The following PPCS variants were observed in gnomAD, a reference collection of about 807,000 sequenced individuals.
PPCS encodes phosphopantothenate--cysteine ligase.
Under a neutral mutation model 24.6 loss-of-function variants are expected in PPCS, and 17 were observed. The observed-to-expected ratio is 0.69, with a 90% CI of 0.47 to 1.04. The LOEUF (loss-of-function observed/expected upper bound fraction) is 1.04, where lower values mean the gene tolerates loss of function less well. PPCS is among the 50% of genes least tolerant of loss of function. The pLI is 0.00. For missense variants in PPCS, 360 were observed against 402.8 expected, an observed-to-expected ratio of 0.89 and a Z score of 0.91; for synonymous variants, 190 against 168.3, an observed-to-expected ratio of 1.13 and a Z score of -1.00.
chr1:42,465,775 A>G (rs896347057), downstream of PPCS, among the ~76,000 whole-genome samples: 3 of 152,202 alleles, frequency 2.0e-5, no homozygotes, highest in Non-Finnish European at 4.4e-5. Flanking sequence ...TGCTACTGAC[A>G]TATAGTTGGT....
Position 42,457,250 on chromosome 1 carries a change from C to T in PPCS, c.512C>T (p.Pro171Leu). The change falls in exon 2 of 3, where the codon CCT becomes CTT. Residue 171 changes from proline (P) to leucine (L), a missense_variant. Physicochemically the swap from Pro to Leu is moderately conservative, Grantham distance 98. Coordinates refer to ENST00000372561, the MANE Select transcript of PPCS (RefSeq NM_024664.4). ...CACCTTGTGTTTCTCTTTGCAGGCC[C>T]TTCTGCGATGTTTTACCTGGCTGCG... is the stretch of plus-strand genomic sequence containing the variant. Reference protein sequence around the residue: ...AAAQALNPLGPSAMFYLAAAV... With the variant: ...AAAQALNPLGLSAMFYLAAAV... 6.2e-7 allele frequency: 1 copy of T among 1,614,180 alleles called. No homozygotes were observed. Among genetic ancestry groups the T allele is most frequent in the Non-Finnish European group, 8.5e-7 (1 of 1,180,034 alleles).
exon 3 of PPCS, chr1:42,473,285 C>T: frequency 8.1e-7 from 1 of 1,231,154 alleles, no homozygotes; most frequent in South Asian, 4.1e-5. Flanking sequence ...TAGTGAAGCA[C>T]ATGGGTGAAA....
chr1:42,473,176 C>G (rs1360215111), exon 3 of PPCS: 2 of 1,230,850 alleles, frequency 1.6e-6, no homozygotes, highest in Non-Finnish European at 2.0e-6. Context: ...AGAAATCAAT[C>G]CCCTTGCTAC....
In PPCS at chr1:42,456,703, G is replaced by A. The variant is rs1643201681; in HGVS notation, c.138G>A (p.Lys46=). 6.2e-7 allele frequency: 1 copy of A among 1,608,158 alleles called. No homozygotes were observed. The change falls in exon 1 of 3, where the codon AAG becomes AAA. Residue 46 remains lysine, a synonymous_variant. Transcript: ENST00000372561. Reference sequence around the variant, plus strand: ...TGTTGGTTACGTCAGGCGGCACCAAGGTCCCACTGGAAGCGCGGCCGGTGC... The same window carrying A: ...TGTTGGTTACGTCAGGCGGCACCAAAGTCCCACTGGAAGCGCGGCCGGTGC... The part of the protein sequence containing the change: ...RVVLVTSGGT[K]VPLEARPVRF...
chr1:42,466,046 G>T (rs1378581000), downstream of PPCS, among the ~76,000 whole-genome samples: 2 of 152,036 alleles, frequency 1.3e-5, no homozygotes, highest in African/African-American at 2.4e-5. Context: ...AATTTTATTT[G>T]GGAATTGAAA....
Position 42,459,994 on chromosome 1 carries a change from A to G in PPCS, c.*68A>G, listed in dbSNP as rs762935673. On this transcript the variant is annotated 3_prime_UTR_variant, in exon 3 of 3. Transcript: ENST00000372561. ...AGAGATGGTGAAAACTACAAAAAAA[A>G]CCATGGCTTTCATATGGACAGATAA... 8.6e-6 allele frequency: 13 copies of G among 1,507,178 alleles called. No homozygotes were observed. The African/African-American group carries it at 1.5e-4, about 18-fold the overall frequency. 93.4% of individuals were successfully genotyped at this position (1,507,178 alleles called of 1,614,324 possible).
At chr1:42,470,368 C>A (rs1301558616) in intron 2 of PPCS, among the ~76,000 whole-genome samples, 1 of 151,232 alleles carries the variant, frequency 6.6e-6, no homozygotes, top group Admixed American at 6.6e-5. Context: ...CTGGTAGGAA[C>A]GTAAAATGGT....
intron 2 of PPCS, 104 bp downstream of exon 2, chr1:42,457,454 A>C: frequency 7.4e-6 from 7 of 949,180 alleles, no homozygotes; most frequent in Admixed American, 1.9e-5. Context: ...TTCGCTAGGC[A>C]CAGGGGATAC....
At position 42,456,944 on chromosome 1, in the gene PPCS, G is replaced by C; in HGVS notation, c.379G>C (p.Gly127Arg). The C allele has an allele frequency of 6.2e-7, 1 of 1,606,656 alleles. No homozygotes were observed. Among genetic ancestry groups the C allele is most frequent in the Non-Finnish European group, 8.5e-7 (1 of 1,180,002 alleles). The change falls in exon 1 of 3, where the codon GGT becomes CGT. Residue 127 changes from glycine (G) to arginine (R), a missense_variant. Around this residue, in one of 2 missense-constraint regions of PPCS, gnomAD observed 244 missense variants for 234.7 expected, o/e 1.04. Coordinates refer to ENST00000372561, the MANE Select transcript of PPCS (RefSeq NM_024664.4). ...SLEAEENALPGFAEALRSYQE... is the reference protein window; with the variant it reads ...SLEAEENALPRFAEALRSYQE... ...GGAGGCCGAGGAGAATGCACTTCCG[G>C]GTTTTGCTGAGGCTCTGAGGAGCTA...
chr1:42,467,463 T>G (rs1643625339), intron 2 of PPCS, among the ~76,000 whole-genome samples: 1 of 152,148 alleles, frequency 6.6e-6, no homozygotes, highest in Non-Finnish European at 1.5e-5. Context: ...CAGAGTAGAA[T>G]GAATAGGAAG....
rs79535629 is a variant in PPCS, at chr1:42,470,967, A to G, written n.378-2155A>G. The stretch of plus-strand genomic sequence containing the variant: ...AAATGGTAAATTTTAAGTTATGTAT[A>G]TTTACAACAATTAAGAAAAAGGGGG... On this transcript the variant is annotated intron_variant and non_coding_transcript_variant, in intron 2 of 2. Transcript: ENST00000471420. Among the ~76,000 whole-genome samples the G allele has an allele frequency of 7.8e-3, 1,189 of 152,314 alleles. 7 individuals are homozygous for G. The highest frequency in any genetic ancestry group is 0.013 in the Non-Finnish European group (864 of 68,022).
At chr1:42,473,376 T>A in exon 3 of PPCS, 2 of 856,728 alleles carry the variant, frequency 2.3e-6, no homozygotes, top group Non-Finnish European at 3.1e-6. Context: ...ATTGACATAT[T>A]AAAAACTAAT....
At position 42,460,061 on chromosome 1, in the gene PPCS, G is replaced by C. The variant is rs1355158625; in HGVS notation, c.*135G>C. On this transcript the variant is annotated 3_prime_UTR_variant, in exon 3 of 3. Coordinates refer to ENST00000372561, the MANE Select transcript of PPCS (RefSeq NM_024664.4). ...AAGGCAGTGGTGTGTAGGCAAATAT[G>C]GTTTGGCATTTGTCTTTTAATGACA... 2 of 1,408,844 alleles carry C rather than the reference G, an allele frequency of 1.4e-6. No homozygotes were observed. Among genetic ancestry groups the C allele is most frequent in the Non-Finnish European group, 1.8e-6 (2 of 1,085,758 alleles). The allele number at this position is 1,408,844 out of a possible 1,614,324, so 87.3% of individuals were successfully genotyped here. A position where few individuals can be genotyped will look rare whatever the true frequency, so the allele number is the denominator to read the frequency against.
chr1:42,469,672 A>AGGAGGAT (rs1643703759), intron 2 of PPCS, among the ~76,000 whole-genome samples: 1 of 152,214 alleles, frequency 6.6e-6, no homozygotes, highest in African/African-American at 2.4e-5. Flanking sequence ...AACCTTGATC[A>AGGAGGAT]GGAGGATGGG....
chr1:42,458,513 T>A (rs1210641337), intron 2 of PPCS, among the ~76,000 whole-genome samples: 2 of 152,208 alleles, frequency 1.3e-5, no homozygotes, highest in Non-Finnish European at 2.9e-5. Flanking sequence ...AAAAGAAACA[T>A]ACCCTGCCTT....
chr1:42,457,634 A>G (rs973617007), intron 2 of PPCS: 14 of 430,912 alleles, frequency 3.2e-5, no homozygotes, highest in African/African-American at 6.0e-5. Context: ...AGCTTCTTGG[A>G]GGAGATGAAT....
intron 2 of PPCS, 104 bp downstream of exon 2, chr1:42,457,454 A>T: frequency 1.1e-6 from 1 of 949,200 alleles, no homozygotes; most frequent in Non-Finnish European, 1.7e-6. Context: ...TTCGCTAGGC[A>T]CAGGGGATAC....
downstream of PPCS, among the ~76,000 whole-genome samples, chr1:42,465,500 G>C (rs1218091255): frequency 6.6e-6 from 1 of 152,126 alleles, no homozygotes; most frequent in African/African-American, 2.4e-5. Context: ...GAGTAGCTGG[G>C]ATTATAGGCA....
At chr1:42,465,343 T>C (rs1643538198), downstream of PPCS, among the ~76,000 whole-genome samples, 2 of 151,686 alleles carry the variant, frequency 1.3e-5, no homozygotes, top group Non-Finnish European at 2.9e-5. Flanking sequence ...TCTAGGACAG[T>C]TTTTTTTGTT....
Sources: allele counts gnomAD v4.1 joint callset (sites outside exome capture counted in the v4.1 genomes callset), GRCh38; gene constraint gnomAD v4.1.1; regional missense constraint gnomAD v4.1.1; transcripts MANE v1.5; gene names NCBI Gene and HGNC (gene_info 2026-07-23, HGNC 2026-07-21).